TIE1: variants seen among roughly 807,000 people sequenced by gnomAD.
TIE1 encodes the protein tyrosine-protein kinase receptor Tie-1.
In TIE1, 89 loss-of-function variants were observed where a neutral mutation model predicts 130.5. The ratio of observed to expected loss-of-function variants is 0.68; its 90% CI spans 0.57 to 0.81. TIE1 has a LOEUF of 0.81. Ranked by LOEUF, TIE1 falls within the 40% of genes least tolerant of loss-of-function variation. TIE1 has a pLI of 0.00. For synonymous variants in TIE1, 568 were observed against 629.4 expected (o/e 0.90, Z 1.46); for missense variants, 1,392 against 1,559.8 (o/e 0.89, Z 1.81).
At chr1:43,314,307 C>A in intron 14 of TIE1, 1 of 1,033,536 alleles carries the variant, frequency 9.7e-7, no homozygotes, top group Non-Finnish European at 1.2e-6. Flanking sequence ...TTCTCCCTAG[C>A]GGTTATCTAG....
chr1:43,309,737 G>A lies in TIE1; in HGVS notation c.1333+205G>A, dbSNP rs532747820. On this transcript the variant is annotated intron_variant, in intron 9 of 22. Transcript: ENST00000372476. The surrounding 1 kb of genome is among the most constrained non-coding windows in gnomAD (Gnocchi z 6.3). The stretch of plus-strand genomic sequence containing the variant: ...AGTACAGCTTAGACCCATCTGGAAA[G>A]GACATCCCGTGCCCCAGAAACTGGG... Among the ~76,000 whole-genome samples, 37 of 152,240 alleles carry A rather than the reference G, an allele frequency of 2.4e-4. No homozygotes were observed. The South Asian group carries it at 2.5e-3, about 10-fold the overall frequency.
chr1:43,308,054 G>T, intron 7 of TIE1, 130 bp downstream of exon 7: 1 of 1,370,074 alleles, frequency 7.3e-7, no homozygotes, highest in Non-Finnish European at 9.8e-7. Flanking sequence ...GGAGCTTAGA[G>T]TCTGATGGAC....
At position 43,319,237 on chromosome 1, in the gene TIE1, C is replaced by A; in HGVS notation, c.2925C>A (p.Phe975Leu). 1.2e-6 allele frequency: 2 copies of A among 1,613,156 alleles called. No homozygotes were observed. The highest frequency in any genetic ancestry group is 1.1e-5 in the South Asian group (1 of 91,046). Residue 975 changes from phenylalanine to leucine, a missense_variant and splice_region_variant, in exon 18 of 23, where the codon TTC becomes TTA. Around this residue, in one of 6 missense-constraint regions of TIE1, gnomAD observed 286 missense variants for 354.4 expected, o/e 0.81. Transcript: ENST00000372476. This position sits in a 1 kb window ranked among gnomAD's most constrained non-coding sequence, Gnocchi z 4.7. Reference protein sequence around the residue: ...NGMQYLSEKQFIHRDLAARNV... With the variant: ...NGMQYLSEKQLIHRDLAARNV... ...CTGACTTCTGACCCTGCCTACAGTT[C>A]ATCCACAGGGACCTGGCTGCCCGGA... is the stretch of plus-strand genomic sequence containing the variant.
intron 21 of TIE1, 22 bp from the exon 22 acceptor site, chr1:43,321,594 T>C: frequency 1.9e-6 from 3 of 1,554,786 alleles, no homozygotes; most frequent in Non-Finnish European, 2.6e-6. Flanking sequence ...TGACTCCTCA[T>C]CTCAGCAATG....
Position 43,309,479 on chromosome 1 carries a change from G to C in TIE1, c.1280G>C (p.Arg427Pro), listed in dbSNP as rs550355457. The change falls in exon 9 of 23, where the codon CGT becomes CCT. Residue 427 changes from arginine to proline, a missense_variant. By Grantham distance (103) the Arg-to-Pro change is moderately radical (BLOSUM62 -2). Coordinates refer to ENST00000372476, the MANE Select transcript of TIE1 (RefSeq NM_005424.5). This position sits in a 1 kb window ranked among gnomAD's most constrained non-coding sequence, Gnocchi z 6.3. ...GCGGACAGTGGGTTCTGGGAGTGCC[G>C]TGTGTCCACATCTGGCGGCCAAGAC... is the stretch of plus-strand genomic sequence containing the variant. ...VLADSGFWEC[R>P]VSTSGGQDSR... The C allele has an allele frequency of 9.9e-6, 16 of 1,610,022 alleles. No homozygotes were observed. The Admixed American group carries it at 2.7e-4, about 27-fold the overall frequency.
At chr1:43,314,082 T>TG in intron 14 of TIE1, 114 bp downstream of exon 14, 1 of 1,151,922 alleles carries the variant, frequency 8.7e-7, no homozygotes, top group Non-Finnish European at 1.3e-6. Flanking sequence ...TGTGTTTATG[T>TG]TGCAGGTATA....
rs201616512 is a variant in TIE1, at chr1:43,313,983, C to T, written c.2409+15C>T. On this transcript the variant is annotated intron_variant, in intron 14 of 22. Coordinates refer to ENST00000372476, the MANE Select transcript of TIE1 (RefSeq NM_005424.5). The surrounding 1 kb of genome is among the most constrained non-coding windows in gnomAD (Gnocchi z 6.2). ...AGTCAGGCTCGGTCAGTGACCCGCC[C>T]CGCCCCTGGGTGCATGCTTGCAGCC... is the stretch of plus-strand genomic sequence containing the variant. The T allele has an allele frequency of 1.2e-5, 20 of 1,614,048 alleles. No individual in the cohort carries two copies. Among genetic ancestry groups the T allele is most frequent in the South Asian group, 3.3e-5 (3 of 91,070 alleles).
chr1:43,321,692 G>A lies in TIE1; in HGVS notation c.3322G>A (p.Gly1108Ser), dbSNP rs1047672271. 5.2e-6 allele frequency: 8 copies of A among 1,552,756 alleles called. No individual in the cohort carries two copies. Among genetic ancestry groups the A allele is most frequent in the African/African-American group, 2.7e-5 (2 of 73,132 alleles). ...PPFAQIALQL[G>S]RMLEARKAYV... ...CTTTGCCCAGATTGCGCTACAGCTAGGCCGCATGCTGGAAGCCAGGAAGGT... is the reference window on the plus strand; with the variant it reads ...CTTTGCCCAGATTGCGCTACAGCTAAGCCGCATGCTGGAAGCCAGGAAGGT... Residue 1108 changes from glycine (G) to serine (S), a missense_variant, in exon 22 of 23, where the codon GGC becomes AGC. Around this residue, in one of 6 missense-constraint regions of TIE1, gnomAD observed 104 missense variants for 129.3 expected, o/e 0.80. Transcript: ENST00000372476.
intron 1 of TIE1, among the ~76,000 whole-genome samples, chr1:43,304,529 G>A (rs1208137268): frequency 2.6e-5 from 4 of 152,190 alleles, no homozygotes; most frequent in African/African-American, 9.7e-5. Context: ...AAGCTGGGGC[G>A]AAAGGGAAGC....
At position 43,313,940 on chromosome 1, in the gene TIE1, G is replaced by A; in HGVS notation, c.2381G>A (p.Arg794Lys). 6.2e-7 allele frequency: 1 copy of A among 1,614,148 alleles called. No homozygotes were observed. The highest frequency in any genetic ancestry group is 1.1e-5 in the South Asian group (1 of 91,088). The change falls in exon 14 of 23, where the codon AGA becomes AAA. Residue 794 changes from arginine to lysine, a missense_variant. Coordinates refer to ENST00000372476, the MANE Select transcript of TIE1 (RefSeq NM_005424.5). The surrounding 1 kb of genome is among the most constrained non-coding windows in gnomAD (Gnocchi z 6.2). ...ATCCGCAGAAGCTGCCTGCATCGGAGACGCACCTTCACCTACCAGTCAGGC... is the reference window on the plus strand; with the variant it reads ...ATCCGCAGAAGCTGCCTGCATCGGAAACGCACCTTCACCTACCAGTCAGGC... Reference protein sequence around the residue: ...VCIRRSCLHRRRTFTYQSGSG... With the variant: ...VCIRRSCLHRKRTFTYQSGSG...
chr1:43,313,298 G>C lies in TIE1; in HGVS notation c.2091G>C (p.Arg697Ser). ...ACCCACTGTGGATAGACGTGGACAG[G>C]CCTGAGGAGACAAGCACCATCATCC... ...AGDPLWIDVD[R>S]PEETSTIIRG... Residue 697 changes from arginine (R) to serine (S), a missense_variant, in exon 13 of 23, where the codon AGG becomes AGC. This residue lies in a region of TIE1 where 551 missense variants were observed against 565.5 expected (regional missense o/e 0.97). Transcript: ENST00000372476. This position sits in a 1 kb window ranked among gnomAD's most constrained non-coding sequence, Gnocchi z 6.2. 1 of 1,614,026 alleles carries C rather than the reference G, an allele frequency of 6.2e-7. No individual in the cohort carries two copies. Among genetic ancestry groups the C allele is most frequent in the South Asian group, 1.1e-5 (1 of 91,080 alleles).
chr1:43,304,079 C>CA (rs11390735), intron 1 of TIE1, among the ~76,000 whole-genome samples: 3 of 152,096 alleles, frequency 2.0e-5, no homozygotes, highest in Non-Finnish European at 4.4e-5. Context: ...GGGCCCAGCC[C>CA]CAAGCTTAGC....
chr1:43,307,955 C>T lies in TIE1; in HGVS notation c.1042+31C>T. 1.2e-6 allele frequency: 2 copies of T among 1,610,592 alleles called. No homozygotes were observed. Among genetic ancestry groups the T allele is most frequent in the South Asian group, 2.2e-5 (2 of 90,948 alleles). On this transcript the variant is annotated intron_variant, in intron 7 of 22. Coordinates refer to ENST00000372476, the MANE Select transcript of TIE1 (RefSeq NM_005424.5). This position sits in a 1 kb window ranked among gnomAD's most constrained non-coding sequence, Gnocchi z 5.4. ...AGCACTATGACCTCTGAGAGCCCCCCAAGATAAGTCGGCCTTTACCAAACA... is the reference window on the plus strand; with the variant it reads ...AGCACTATGACCTCTGAGAGCCCCCTAAGATAAGTCGGCCTTTACCAAACA...
chr1:43,317,732 C>G lies in TIE1; in HGVS notation c.2731+58C>G. ...CCAAACCCCCATCCTCAGCCATCAC[C>G]TCCACCACATGAGTAGCTTGCCAGG... On this transcript the variant is annotated intron_variant, in intron 16 of 22. Coordinates refer to ENST00000372476, the MANE Select transcript of TIE1 (RefSeq NM_005424.5). This position sits in a 1 kb window ranked among gnomAD's most constrained non-coding sequence, Gnocchi z 5.1. 6.7e-7 allele frequency: 1 copy of G among 1,499,324 alleles called. No individual in the cohort carries two copies. The highest frequency in any genetic ancestry group is 9.1e-7 in the Non-Finnish European group (1 of 1,097,224). 92.9% of individuals were successfully genotyped at this position (1,499,324 alleles called of 1,614,324 possible). A position where few individuals can be genotyped will look rare whatever the true frequency, so the allele number is the denominator to read the frequency against.
rs1360093541 is a variant in TIE1, at chr1:43,308,943, C to T, written c.1043-43C>T. ...GAGGGGCGCTTTGGTGGTCACGTGT[C>T]TGCCCCTGTGGGAGCTCCAGGATGA... On this transcript the variant is annotated intron_variant, in intron 7 of 22. Coordinates refer to ENST00000372476, the MANE Select transcript of TIE1 (RefSeq NM_005424.5). 3.1e-6 allele frequency: 5 copies of T among 1,613,834 alleles called. No individual in the cohort carries two copies. The South Asian group carries it at 5.5e-5, about 18-fold the overall frequency.
At position 43,319,769 on chromosome 1, in the gene TIE1, G is replaced by T. The variant is rs998717220; in HGVS notation, c.3107+240G>T. 2 of 546,148 alleles carry T rather than the reference G, an allele frequency of 3.7e-6. No homozygotes were observed. Among genetic ancestry groups the T allele is most frequent in the Non-Finnish European group, 6.6e-6 (2 of 302,082 alleles). 33.8% of individuals were successfully genotyped at this position (546,148 alleles called of 1,614,324 possible). A position where few individuals can be genotyped will look rare whatever the true frequency, so the allele number is the denominator to read the frequency against. On this transcript the variant is annotated intron_variant, in intron 19 of 22. Transcript: ENST00000372476. This position sits in a 1 kb window ranked among gnomAD's most constrained non-coding sequence, Gnocchi z 4.7. ...AAAGGTAGTTTCGGATTATGTTTGT[G>T]TAAGTGACGGGGGATGCCTTGGAGA...
Position 43,316,188 on chromosome 1 carries a change from C to T in TIE1, c.2410-1011C>T, listed in dbSNP as rs925195196. On this transcript the variant is annotated intron_variant, in intron 14 of 22. Coordinates refer to ENST00000372476, the MANE Select transcript of TIE1 (RefSeq NM_005424.5). The surrounding 1 kb of genome is among the most constrained non-coding windows in gnomAD (Gnocchi z 4.4). ...CCTGTGAGTGCCACATGTTTAAATG[C>T]GTGTGTCCCAGATGCACGTGTCCCT... Among the ~76,000 whole-genome samples the T allele has an allele frequency of 5.9e-5, 9 of 152,232 alleles. No homozygotes were observed. The highest frequency in any genetic ancestry group is 2.1e-4 in the South Asian group (1 of 4,832).
rs1646771704 is a variant in TIE1, at chr1:43,309,929, G to A, written c.1333+397G>A. Among the ~76,000 whole-genome samples the A allele has an allele frequency of 6.6e-6, 1 of 152,124 alleles. No individual in the cohort carries two copies. The highest frequency in any genetic ancestry group is 1.5e-5 in the Non-Finnish European group (1 of 68,020). ...CCAGGGGAGCATATGGGGCTATGGA[G>A]CTCAGAGGGTGACCAGCTTGGCTTC... On this transcript the variant is annotated intron_variant, in intron 9 of 22. Transcript: ENST00000372476. This position sits in a 1 kb window ranked among gnomAD's most constrained non-coding sequence, Gnocchi z 6.3.
rs749107040 is a variant in TIE1 at position 43,311,682 on chromosome 1, C to A, written c.1345C>A (p.Pro449Thr). 11 of 1,612,850 alleles carry A rather than the reference C, an allele frequency of 6.8e-6. No individual in the cohort carries two copies. Among genetic ancestry groups the A allele is most frequent in the Non-Finnish European group, 9.3e-6 (11 of 1,179,628 alleles). ...FKVNVKVPPV[P>T]LAAPRLLTKQ... ...GAGTCTCCTGGCAGTGCCCCCCGTGCCCCTGGCTGCACCTCGGCTCCTGAC... is the reference window on the plus strand; with the variant it reads ...GAGTCTCCTGGCAGTGCCCCCCGTGACCCTGGCTGCACCTCGGCTCCTGAC... The change falls in exon 10 of 23, where the codon CCC becomes ACC. Residue 449 changes from proline (P) to threonine (T), a missense_variant. By Grantham distance (38) the Pro-to-Thr change is conservative. Around this residue, in one of 6 missense-constraint regions of TIE1, gnomAD observed 551 missense variants for 565.5 expected, o/e 0.97. Coordinates refer to ENST00000372476, the MANE Select transcript of TIE1 (RefSeq NM_005424.5).
Sources: gnomAD v4.1 joint callset for allele counts (sites outside exome capture counted in the v4.1 genomes callset) on GRCh38, gnomAD v4.1.1 for gene constraint, gnomAD v4.1.1 regional missense constraint, Gnocchi (gnomAD v3.1) non-coding constraint, MANE v1.5 for transcripts, NCBI Gene and HGNC (gene_info 2026-07-23, HGNC 2026-07-21) for gene names.